The following DGKI variants were observed in gnomAD, a reference collection of about 807,000 sequenced individuals.
DGKI encodes DAG kinase iota.
A neutral mutation model predicts 147.5 loss-of-function variants in DGKI; 55 were observed. The observed-to-expected ratio is 0.37, with a 90% CI of 0.30 to 0.47. The LOEUF is 0.47. Among genes scored for constraint, DGKI ranks in the 20% least tolerant of loss-of-function variants. The probability of loss-of-function intolerance (pLI) is 1.00; values close to 1 mark genes in which losing one functional copy is unlikely to be tolerated. For synonymous variants in DGKI, 469 were observed against 477.1 expected (o/e 0.98, Z 0.22); for missense variants, 1,007 against 1,323.8 (o/e 0.76, Z 3.71).
chr7:137,683,795 T>C (rs1823323589), intron 2 of DGKI, among the ~76,000 whole-genome samples: 1 of 152,120 alleles, frequency 6.6e-6, no homozygotes, highest in African/African-American at 2.4e-5. Flanking sequence ...TAGCTATATA[T>C]ATATTTACAT....
intron 21 of DGKI, among the ~76,000 whole-genome samples, chr7:137,490,508 G>C (rs1815725418): frequency 6.6e-6 from 1 of 152,146 alleles, no homozygotes; most frequent in Admixed American, 6.5e-5. Flanking sequence ...GGATTAGCTA[G>C]CAGTAGTTTC....
At chr7:137,433,866 C>G (rs1342028885) in intron 28 of DGKI, among the ~76,000 whole-genome samples, 1 of 152,178 alleles carries the variant, frequency 6.6e-6, no homozygotes, top group African/African-American at 2.4e-5. Flanking sequence ...GCCTGTAATG[C>G]CAGAACTTTG....
chr7:137,600,997 C>A (rs1347158641), intron 10 of DGKI, among the ~76,000 whole-genome samples: 1 of 152,158 alleles, frequency 6.6e-6, no homozygotes, highest in Non-Finnish European at 1.5e-5. Context: ...AGGGGCCGGG[C>A]ACGGTGGCTC....
chr7:137,776,855 G>A (rs1016580274), intron 1 of DGKI, among the ~76,000 whole-genome samples: 1 of 151,984 alleles, frequency 6.6e-6, no homozygotes, highest in East Asian at 1.9e-4. Flanking sequence ...ATGAGAAAAG[G>A]AGGAGTAATG....
intron 1 of DGKI, among the ~76,000 whole-genome samples, chr7:137,778,380 GCAGAGAGAAAGCAAT>G (rs1796423627): frequency 6.6e-6 from 1 of 152,154 alleles, no homozygotes; most frequent in Non-Finnish European, 1.5e-5. Context: ...AGATAAGAAA[GCAGAGAGAAAGCAAT>G]GAAGAGTCAT....
At chr7:137,790,580 G>T (rs1212396464) in intron 1 of DGKI, among the ~76,000 whole-genome samples, 1 of 152,206 alleles carries the variant, frequency 6.6e-6, no homozygotes, top group Admixed American at 6.5e-5. Context: ...AGTCTGAGGC[G>T]TGGAGCAATT....
At chr7:137,540,805 A>G (rs1817674449) in intron 20 of DGKI, among the ~76,000 whole-genome samples, 1 of 145,800 alleles carries the variant, frequency 6.9e-6, no homozygotes, top group African/African-American at 2.5e-5. Context: ...CAATGGCTCC[A>G]AAAACATGAA....
intron 1 of DGKI, among the ~76,000 whole-genome samples, chr7:137,697,419 A>T (rs1291064194): frequency 6.6e-6 from 1 of 152,232 alleles, no homozygotes; most frequent in African/African-American, 2.4e-5. Context: ...CTAGTAAAGT[A>T]ACAAGTAGAG....
chr7:137,558,348 C>T (rs992841383), intron 19 of DGKI, among the ~76,000 whole-genome samples: 5 of 152,154 alleles, frequency 3.3e-5, no homozygotes, highest in African/African-American at 4.8e-5. Flanking sequence ...GGCACGATCT[C>T]GGCTGACTGC....
intron 27 of DGKI, 77 bp downstream of exon 27, chr7:137,463,412 T>C: frequency 6.4e-7 from 1 of 1,568,158 alleles, no homozygotes. Context: ...TCCTGACCAC[T>C]GGGGCACAGC....
Position 137,609,690 on chromosome 7 carries a change from C to T in DGKI, c.994-81G>A, listed in dbSNP as rs80162426. 555 of 962,804 alleles carry T rather than the reference C, an allele frequency of 5.8e-4. 2 individuals carry two copies. In the East Asian group the frequency reaches 0.01, roughly 18 times the overall value. The allele number at this position is 962,804 out of a possible 1,614,324, so 59.6% of individuals were successfully genotyped here. ...CCATGCAGAACCAAGTAGAAGATGA[C>T]GGCAGCGCATGCTGTTCCACTGCAT... is the stretch of plus-strand genomic sequence containing the variant. On this transcript the variant is annotated intron_variant, in intron 8 of 32. Coordinates refer to ENST00000614521, the MANE Select transcript of DGKI (RefSeq NM_001321708.2).
At position 137,679,409 on chromosome 7, in the gene DGKI, T is replaced by TC. The variant is rs556815764; in HGVS notation, c.511-758_511-757insG. Among the ~76,000 whole-genome samples, 79 of 151,944 alleles carry TC rather than the reference T, an allele frequency of 5.2e-4. 2 individuals carry two copies. The East Asian group carries it at 0.013, about 25-fold the overall frequency. The stretch of plus-strand genomic sequence containing the variant: ...GGGAAAGGGGGAAGCAAACTGTTTT[T>TC]TTTTTTTTTTAATCGTACGATGAAT... On this transcript the variant is annotated intron_variant, in intron 2 of 32. Coordinates refer to ENST00000614521, the MANE Select transcript of DGKI (RefSeq NM_001321708.2).
At chr7:137,739,247 T>C (rs1175250316) in intron 1 of DGKI, among the ~76,000 whole-genome samples, 1 of 152,168 alleles carries the variant, frequency 6.6e-6, no homozygotes, top group Admixed American at 6.5e-5. Flanking sequence ...AAAGGGCTGT[T>C]TTCTCCTACG....
At chr7:137,419,921 T>A (rs1169191062) in intron 28 of DGKI, among the ~76,000 whole-genome samples, 1 of 152,234 alleles carries the variant, frequency 6.6e-6, no homozygotes, top group Non-Finnish European at 1.5e-5. Context: ...CTATCTATTA[T>A]TGCATGGTAA....
chr7:137,520,317 A>G (rs935488213), intron 21 of DGKI, among the ~76,000 whole-genome samples: 6 of 152,114 alleles, frequency 3.9e-5, no homozygotes, highest in African/African-American at 1.4e-4. Context: ...GCTTCAAACA[A>G]GAAAGAACAT....
chr7:137,700,877 TCAAATAAATAAATAAA>T (rs1563156915), intron 1 of DGKI, among the ~76,000 whole-genome samples: 1 of 136,916 alleles, frequency 7.3e-6, no homozygotes, highest in East Asian at 2.1e-4. Flanking sequence ...AAGCTCCGTC[TCAAATAAATAAATAAA>T]TAAATAAATA....
At chr7:137,576,526 A>G (rs1027628502) in intron 17 of DGKI, among the ~76,000 whole-genome samples, 1 of 152,142 alleles carries the variant, frequency 6.6e-6, no homozygotes, top group Non-Finnish European at 1.5e-5. Flanking sequence ...TACTATAAGG[A>G]AACATTAATG....
rs189962660 is a variant in DGKI at position 137,796,517 on chromosome 7, C to T, written c.401+49945G>A. Among the ~76,000 whole-genome samples, 162 of 151,616 alleles carry T rather than the reference C, an allele frequency of 1.1e-3. 2 individuals are homozygous for T. Among genetic ancestry groups the T allele is most frequent in the South Asian group, 4.8e-3 (23 of 4,806 alleles). On this transcript the variant is annotated intron_variant, in intron 1 of 32. Transcript: ENST00000614521. ...TCCATTTAAAAAAAAAAAAGCTTTA[C>T]GTATGTTCAAAGAACTAAAGTACAT...
At chr7:137,682,730 G>A (rs1823281592) in intron 2 of DGKI, among the ~76,000 whole-genome samples, 3 of 152,182 alleles carry the variant, frequency 2.0e-5, no homozygotes, top group Admixed American at 2.0e-4. Flanking sequence ...ATTCTGAACA[G>A]TGAAACAGAG....
Sources: allele counts gnomAD v4.1 joint callset (sites outside exome capture counted in the v4.1 genomes callset), GRCh38; gene constraint gnomAD v4.1.1; transcripts MANE v1.5; gene names NCBI Gene and HGNC (gene_info 2026-07-23, HGNC 2026-07-21).